The following FMN1 variants were observed in gnomAD, a reference collection of about 807,000 sequenced individuals.
FMN1 encodes formin 1, also known as formin-1.
Under a neutral mutation model 132.4 loss-of-function variants are expected in FMN1, and 110 were observed. That is an observed-to-expected ratio of 0.83 (90% CI 0.71 to 0.97). The LOEUF (loss-of-function observed/expected upper bound fraction) is 0.97, where lower values mean the gene tolerates loss of function less well. Among genes scored for constraint, FMN1 ranks in the 50% least tolerant of loss-of-function variants. FMN1 has a pLI of 0.00. For synonymous variants in FMN1, 722 were observed against 651.7 expected (o/e 1.11, Z -1.64); for missense variants, 1,792 against 1,705.3 (o/e 1.05, Z -0.90).
chr15:33,066,876 C>A (rs1365952389), intron 5 of FMN1: 1 of 1,613,804 alleles, frequency 6.2e-7, no homozygotes, highest in Non-Finnish European at 8.5e-7. Flanking sequence ...GTGGGAGTGG[C>A]CTTCGGATCA....
intron 10 of FMN1, among the ~76,000 whole-genome samples, chr15:32,917,510 ATTTATTGG>A (rs1157890169): frequency 2.0e-5 from 3 of 152,196 alleles, no homozygotes; most frequent in African/African-American, 7.2e-5. Flanking sequence ...AACTGATAGA[ATTTATTGG>A]CAGCTTCCTC....
chr15:32,952,575 G>C (rs2061677560), intron 9 of FMN1, among the ~76,000 whole-genome samples: 1 of 152,138 alleles, frequency 6.6e-6, no homozygotes, highest in Non-Finnish European at 1.5e-5. Flanking sequence ...TTAAAGCTGG[G>C]TTTTGTGCAT....
chr15:33,040,958 C>G (rs1240446986), intron 6 of FMN1, among the ~76,000 whole-genome samples: 1 of 152,128 alleles, frequency 6.6e-6, no homozygotes, highest in Admixed American at 6.5e-5. Context: ...TCTCCAGTTT[C>G]CTTTAGTTCG....
intron 7 of FMN1, among the ~76,000 whole-genome samples, chr15:32,991,606 C>T (rs2033439479): frequency 6.6e-6 from 1 of 152,166 alleles, no homozygotes; most frequent in Admixed American, 6.5e-5. Context: ...AGGCAGTAGA[C>T]TGTTTCTATC....
chr15:32,896,376 G>A (rs1253376292), intron 15 of FMN1, among the ~76,000 whole-genome samples: 3 of 151,616 alleles, frequency 2.0e-5, no homozygotes, highest in Non-Finnish European at 4.4e-5. Flanking sequence ...TTAGAATTTT[G>A]ACTGGTACTT....
intron 7 of FMN1, among the ~76,000 whole-genome samples, chr15:32,974,201 A>C (rs2032017309): frequency 6.6e-6 from 1 of 152,222 alleles, no homozygotes; most frequent in South Asian, 2.1e-4. Flanking sequence ...GGACATATAA[A>C]GAAAGTCTCA....
intron 6 of FMN1, among the ~76,000 whole-genome samples, chr15:33,024,113 T>C (rs181729503): frequency 3.3e-4 from 49 of 149,964 alleles, no homozygotes; most frequent in African/African-American, 1.0e-3. Flanking sequence ...TTATGGAAGA[T>C]AAACTCCAAA....
intron 7 of FMN1, among the ~76,000 whole-genome samples, chr15:33,001,510 A>G (rs2034103876): frequency 1.3e-5 from 2 of 151,640 alleles, no homozygotes; most frequent in East Asian, 1.9e-4. Context: ...TATCCACAAC[A>G]TAATTCTTCA....
chr15:32,827,082 G>T (rs1426904762), intron 17 of FMN1, among the ~76,000 whole-genome samples: 1 of 152,146 alleles, frequency 6.6e-6, no homozygotes, highest in Non-Finnish European at 1.5e-5. Context: ...TCCCTTTCAT[G>T]AACAGGTTGT....
chr15:32,828,827 C>T (rs2058434395), intron 17 of FMN1, among the ~76,000 whole-genome samples: 2 of 152,128 alleles, frequency 1.3e-5, no homozygotes, highest in Admixed American at 6.5e-5. Flanking sequence ...ATTGATACAA[C>T]AAAGGAACAC....
chr15:33,082,111 G>A (rs975831031), intron 5 of FMN1, among the ~76,000 whole-genome samples: 3 of 151,278 alleles, frequency 2.0e-5, no homozygotes, highest in African/African-American at 7.3e-5. Flanking sequence ...GTGTGTGTGT[G>A]TGTGTGTGTG....
At chr15:33,191,227 G>A (rs892077124) in intron 2 of FMN1, among the ~76,000 whole-genome samples, 9 of 151,910 alleles carry the variant, frequency 5.9e-5, no homozygotes, top group African/African-American at 1.5e-4. Flanking sequence ...AGCCTGTCAC[G>A]TGGAAGACCA....
At chr15:32,864,192 G>C (rs1369676828) in intron 16 of FMN1, among the ~76,000 whole-genome samples, 1 of 152,130 alleles carries the variant, frequency 6.6e-6, no homozygotes, top group Non-Finnish European at 1.5e-5. Flanking sequence ...AATGACAGAA[G>C]CCTGCAATAA....
At chr15:33,034,764 G>A (rs541582455) in intron 6 of FMN1, among the ~76,000 whole-genome samples, 3 of 152,126 alleles carry the variant, frequency 2.0e-5, no homozygotes, top group Admixed American at 2.0e-4. Context: ...TTACCATAAT[G>A]ATTTCCTTGT....
chr15:32,818,823 G>A (rs1349434501), intron 17 of FMN1, among the ~76,000 whole-genome samples: 1 of 151,968 alleles, frequency 6.6e-6, no homozygotes, highest in Non-Finnish European at 1.5e-5. Flanking sequence ...AAATCTGAGA[G>A]GGTAAAATGT....
At chr15:33,006,477 G>C (rs1390021166) in intron 7 of FMN1, among the ~76,000 whole-genome samples, 1 of 152,108 alleles carries the variant, frequency 6.6e-6, no homozygotes, top group Non-Finnish European at 1.5e-5. Context: ...AAACAGTGTG[G>C]AGGCTCTTCA....
chr15:32,797,934 G>A (rs573479164), intron 19 of FMN1, among the ~76,000 whole-genome samples: 2 of 152,270 alleles, frequency 1.3e-5, no homozygotes, highest in Admixed American at 6.5e-5. Context: ...TCACAGGTTA[G>A]TAAAAGGTAG....
rs556390691 is a variant in FMN1, at chr15:33,043,963, C to T, written c.2161+20994G>A. Among the ~76,000 whole-genome samples, 3 of 152,344 alleles carry T rather than the reference C, an allele frequency of 2.0e-5. No homozygotes were observed. In the South Asian group the frequency reaches 6.2e-4, roughly 32 times the overall value. Reference sequence around the variant, plus strand: ...CTGCACTCTCAGGGACCCAGGAAGTCCCCCTTTCCCTACAGGCTCAAAGGT... The same window carrying T: ...CTGCACTCTCAGGGACCCAGGAAGTTCCCCTTTCCCTACAGGCTCAAAGGT... On this transcript the variant is annotated intron_variant, in intron 6 of 20. Coordinates refer to ENST00000616417, the MANE Select transcript of FMN1 (RefSeq NM_001277313.2).
chr15:32,881,969 T>C (rs1482490817), intron 16 of FMN1, among the ~76,000 whole-genome samples: 4 of 152,114 alleles, frequency 2.6e-5, no homozygotes, highest in African/African-American at 9.7e-5. Context: ...ATGCTTTCTT[T>C]TGGGTCACGA....
Sources: allele counts gnomAD v4.1 joint callset (sites outside exome capture counted in the v4.1 genomes callset), GRCh38; gene constraint gnomAD v4.1.1; transcripts MANE v1.5; gene names NCBI Gene and HGNC (gene_info 2026-07-23, HGNC 2026-07-21).